CHRM3: variants seen among roughly 807,000 people sequenced by gnomAD.
The protein encoded by CHRM3 is cholinergic receptor muscarinic 3.
In CHRM3, 11 loss-of-function variants were observed where a neutral mutation model predicts 41.8. That is an observed-to-expected ratio of 0.26 (90% CI 0.17 to 0.44). The LOEUF is 0.44. Ranked by LOEUF, CHRM3 falls within the 20% of genes least tolerant of loss-of-function variation. CHRM3 has a pLI of 1.00. For synonymous variants in CHRM3, 297 were observed against 301.4 expected (o/e 0.99, Z 0.15); for missense variants, 571 against 745.4 (o/e 0.77, Z 2.72).
At chr1:239,769,021 TC>T (rs1667447865) in intron 5 of CHRM3, among the ~76,000 whole-genome samples, 1 of 151,972 alleles carries the variant, frequency 6.6e-6, no homozygotes, top group East Asian at 1.9e-4. Context: ...CACCTCGGCC[TC>T]CCCAAATGCT....
chr1:239,453,243 T>C (rs966686048), intron 1 of CHRM3, among the ~76,000 whole-genome samples: 6 of 152,224 alleles, frequency 3.9e-5, no homozygotes, highest in African/African-American at 1.4e-4. Context: ...TCAGTTTTAC[T>C]TCCAGGACAA....
intron 6 of CHRM3, among the ~76,000 whole-genome samples, chr1:239,846,345 A>G (rs1348133366): frequency 6.6e-6 from 1 of 152,196 alleles, no homozygotes. Context: ...AGGGAAAATT[A>G]TTACTCCTAG....
chr1:239,814,821 C>A (rs546028254), intron 5 of CHRM3, among the ~76,000 whole-genome samples: 5 of 152,132 alleles, frequency 3.3e-5, no homozygotes, highest in Admixed American at 1.3e-4. Flanking sequence ...CTTTCTCTGT[C>A]GCCCAGACTA....
At chr1:239,606,299 A>AAG (rs1666257420) in intron 3 of CHRM3, 1 of 150,484 alleles carries the variant, frequency 6.6e-6, no homozygotes, top group Non-Finnish European at 1.5e-5. Context: ...CGGGGGGGGA[A>AAG]GAATCTCACT....
At chr1:239,589,171 T>A (rs1663783032) in intron 3 of CHRM3, among the ~76,000 whole-genome samples, 1 of 152,056 alleles carries the variant, frequency 6.6e-6, no homozygotes, top group Non-Finnish European at 1.5e-5. Flanking sequence ...TGACCTCAAG[T>A]GATCCGCCCT....
At chr1:239,831,065 G>A (rs755812699) in intron 6 of CHRM3, among the ~76,000 whole-genome samples, 25 of 151,664 alleles carry the variant, frequency 1.6e-4, no homozygotes, top group African/African-American at 5.1e-4. Flanking sequence ...GTAACATTTC[G>A]TTATTATTGA....
chr1:239,545,357 C>A (rs1237151600), intron 2 of CHRM3, among the ~76,000 whole-genome samples: 1 of 152,126 alleles, frequency 6.6e-6, no homozygotes, highest in African/African-American at 2.4e-5. Context: ...ATAAAAACTA[C>A]ATATTGGGTA....
intron 5 of CHRM3, among the ~76,000 whole-genome samples, chr1:239,746,545 T>C (rs948023325): frequency 2.6e-5 from 4 of 152,210 alleles, no homozygotes; most frequent in African/African-American, 9.6e-5. Context: ...ATATGAATAT[T>C]GTATCTCATA....
chr1:239,407,405 A>AATATATATATATATATATATATATAT (rs143680510), intron 1 of CHRM3, among the ~76,000 whole-genome samples: 8 of 137,024 alleles, frequency 5.8e-5, no homozygotes, highest in Admixed American at 1.5e-4. Flanking sequence ...AATGACTATA[A>AATATATATATATATATATATATATAT]ATATATATAT....
At chr1:239,762,731 T>C (rs1666901775) in intron 5 of CHRM3, among the ~76,000 whole-genome samples, 2 of 152,196 alleles carry the variant, frequency 1.3e-5, no homozygotes, top group South Asian at 4.1e-4. Flanking sequence ...GAGCTAATTA[T>C]GTCCTTGACA....
chr1:239,652,841 T>G (rs1573139707), intron 4 of CHRM3, among the ~76,000 whole-genome samples: 1 of 152,174 alleles, frequency 6.6e-6, no homozygotes, highest in African/African-American at 2.4e-5. Flanking sequence ...CCAAACAAAG[T>G]GGTCCATAAG....
At chr1:239,413,322 C>T (rs1661254906) in intron 1 of CHRM3, among the ~76,000 whole-genome samples, 2 of 152,120 alleles carry the variant, frequency 1.3e-5, no homozygotes, top group African/African-American at 4.8e-5. Context: ...CCGAGTCTCA[C>T]TCTGTCGCCC....
intron 2 of CHRM3, among the ~76,000 whole-genome samples, chr1:239,532,158 G>A (rs1657659262): frequency 6.9e-6 from 1 of 145,210 alleles, no homozygotes; most frequent in African/African-American, 2.5e-5. Flanking sequence ...GACTACAGGC[G>A]CTGCCACCAC....
At chr1:239,480,977 CA>C in intron 1 of CHRM3, among the ~76,000 whole-genome samples, 1 of 152,130 alleles carries the variant, frequency 6.6e-6, no homozygotes, top group Admixed American at 6.5e-5. Context: ...TACTAAAATG[CA>C]TAAATAAGAT....
intron 6 of CHRM3, among the ~76,000 whole-genome samples, chr1:239,841,724 G>A (rs967144820): frequency 6.6e-6 from 1 of 152,192 alleles, no homozygotes; most frequent in Non-Finnish European, 1.5e-5. Context: ...TTGAAGAGCA[G>A]CTTTCAAGGC....
intron 5 of CHRM3, among the ~76,000 whole-genome samples, chr1:239,795,878 A>G (rs765239611): frequency 3.3e-5 from 5 of 152,194 alleles, no homozygotes; most frequent in African/African-American, 4.8e-5. Context: ...TGACCAATTC[A>G]TCTTAGTCTG....
chr1:239,582,300 T>C (rs1453936797), intron 3 of CHRM3, among the ~76,000 whole-genome samples: 1 of 152,178 alleles, frequency 6.6e-6, no homozygotes, highest in Non-Finnish European at 1.5e-5. Context: ...AAATAATTAT[T>C]TTTGACCTAT....
At chr1:239,435,227 G>A (rs553762582) in intron 1 of CHRM3, among the ~76,000 whole-genome samples, 5 of 152,222 alleles carry the variant, frequency 3.3e-5, no homozygotes, top group South Asian at 2.1e-4. Context: ...CAAGGCGGGC[G>A]GATCACGAGG....
chr1:239,775,607 C>T (rs142065290), intron 5 of CHRM3, among the ~76,000 whole-genome samples: 17 of 152,212 alleles, frequency 1.1e-4, no homozygotes, highest in East Asian at 3.9e-4. Flanking sequence ...TGGCAATGCC[C>T]GCAGGGAGTT....
Sources: allele counts gnomAD v4.1 joint callset (sites outside exome capture counted in the v4.1 genomes callset), GRCh38; gene constraint gnomAD v4.1.1; transcripts MANE v1.5; gene names NCBI Gene and HGNC (gene_info 2026-07-23, HGNC 2026-07-21).